CEP112: variants seen among roughly 807,000 people sequenced by gnomAD.
CEP112 encodes the protein centrosomal protein 112.
A neutral mutation model predicts 153.0 loss-of-function variants in CEP112; 127 were observed. That is an observed-to-expected ratio of 0.83 (90% CI 0.72 to 0.96). The LOEUF is 0.96. CEP112 is among the 40% of genes least tolerant of loss of function. The pLI is 0.00. For missense variants in CEP112, 1,089 were observed against 1,101.2 expected (o/e 0.99, Z 0.16); for synonymous variants, 358 against 374.4 (o/e 0.96, Z 0.51).
intron 18 of CEP112, among the ~76,000 whole-genome samples, chr17:65,959,741 C>T (rs2062130325): frequency 6.6e-6 from 1 of 152,204 alleles, no homozygotes; most frequent in South Asian, 2.1e-4. Flanking sequence ...AGAGCTGACA[C>T]CCATGCTGGC....
intron 10 of CEP112, among the ~76,000 whole-genome samples, chr17:66,064,371 C>T (rs1248646251): frequency 6.6e-6 from 1 of 152,052 alleles, no homozygotes; most frequent in Admixed American, 6.6e-5. Context: ...AAATATTTGC[C>T]TTATAAATCA....
intron 21 of CEP112, among the ~76,000 whole-genome samples, chr17:65,759,114 C>T (rs2052457646): frequency 6.6e-6 from 1 of 152,164 alleles, no homozygotes; most frequent in Non-Finnish European, 1.5e-5. Flanking sequence ...TGCTGCTACA[C>T]TCCCACTGGC....
intron 4 of CEP112, among the ~76,000 whole-genome samples, chr17:66,168,023 ATC>A (rs1478639060): frequency 2.6e-5 from 4 of 152,218 alleles, no homozygotes; most frequent in South Asian, 2.1e-4. Context: ...ATGTATATAT[ATC>A]TGTTATACAA....
intron 23 of CEP112, among the ~76,000 whole-genome samples, chr17:65,727,012 G>A (rs970756325): frequency 3.5e-4 from 54 of 152,146 alleles, no homozygotes; most frequent in African/African-American, 1.3e-3. Flanking sequence ...TCCTGTCAGG[G>A]GGAACTGCTG....
At chr17:65,881,357 C>A (rs2059065803) in intron 20 of CEP112, among the ~76,000 whole-genome samples, 1 of 152,064 alleles carries the variant, frequency 6.6e-6, no homozygotes, top group Admixed American at 6.6e-5. Context: ...AGAACAGGCA[C>A]AGCCAAGTTT....
At chr17:65,679,453 A>G (rs1420234576) in intron 24 of CEP112, among the ~76,000 whole-genome samples, 1 of 152,188 alleles carries the variant, frequency 6.6e-6, no homozygotes, top group Non-Finnish European at 1.5e-5. Context: ...TGTTTTCATA[A>G]CGTGCTTTGG....
chr17:65,681,871 G>C (rs1043184108), intron 24 of CEP112, among the ~76,000 whole-genome samples: 3 of 151,450 alleles, frequency 2.0e-5, no homozygotes, highest in African/African-American at 4.9e-5. Context: ...TAAGAGACAG[G>C]GTTTCACCAT....
intron 8 of CEP112, among the ~76,000 whole-genome samples, chr17:66,092,869 A>C (rs2068196880): frequency 6.6e-6 from 1 of 152,250 alleles, no homozygotes; most frequent in African/African-American, 2.4e-5. Flanking sequence ...ATGTACCTCA[A>C]TACAATAAAG....
intron 21 of CEP112, among the ~76,000 whole-genome samples, chr17:65,810,543 A>T (rs1440236536): frequency 6.6e-6 from 1 of 152,120 alleles, no homozygotes; most frequent in Non-Finnish European, 1.5e-5. Flanking sequence ...ATTATTGATA[A>T]CTAACCAGTT....
intron 8 of CEP112, among the ~76,000 whole-genome samples, chr17:66,086,352 T>G (rs981161995): frequency 4.6e-5 from 7 of 150,982 alleles, no homozygotes; most frequent in African/African-American, 1.7e-4. Context: ...AAAAGGGATT[T>G]AAGCAAGTAG....
At chr17:66,066,645 T>C (rs1413575852) in intron 10 of CEP112, 133 bp downstream of exon 10, 1 of 540,442 alleles carries the variant, frequency 1.9e-6, no homozygotes, top group Non-Finnish European at 3.0e-6. Context: ...TATATAAATA[T>C]ATCCACTGAT....
At chr17:66,010,038 A>C (rs1196323197) in intron 16 of CEP112, among the ~76,000 whole-genome samples, 1 of 152,160 alleles carries the variant, frequency 6.6e-6, no homozygotes, top group African/African-American at 2.4e-5. Context: ...TTGAATTTGT[A>C]AATTTTTTAG....
chr17:65,782,388 G>A (rs954967009), intron 21 of CEP112, among the ~76,000 whole-genome samples: 3 of 152,176 alleles, frequency 2.0e-5, no homozygotes, highest in African/African-American at 7.2e-5. Flanking sequence ...TACACTGTTG[G>A]TGGGAATGGA....
chr17:65,721,224 A>C, intron 23 of CEP112, among the ~76,000 whole-genome samples: 1 of 151,972 alleles, frequency 6.6e-6, no homozygotes, highest in Non-Finnish European at 1.5e-5. Flanking sequence ...GTTAACCAGG[A>C]TGGTCTCGAT....
At chr17:65,702,370 T>C (rs980385028) in intron 23 of CEP112, among the ~76,000 whole-genome samples, 1 of 152,198 alleles carries the variant, frequency 6.6e-6, no homozygotes, top group Non-Finnish European at 1.5e-5. Flanking sequence ...ACTAGCTTCA[T>C]GTATCTATCT....
intron 21 of CEP112, among the ~76,000 whole-genome samples, chr17:65,791,167 G>A (rs1252582630): frequency 6.6e-6 from 1 of 152,096 alleles, no homozygotes; most frequent in Non-Finnish European, 1.5e-5. Context: ...ATAAAAGGAT[G>A]ACAGTAGGGG....
intron 15 of CEP112, 112 bp from the exon 16 acceptor site, chr17:66,027,672 G>T: frequency 1.3e-6 from 1 of 794,318 alleles, no homozygotes; most frequent in Non-Finnish European, 1.8e-6. Flanking sequence ...TCAGTTCAGA[G>T]TTTTGCATAT....
chr17:66,005,430 G>A (rs2064232057), intron 17 of CEP112, among the ~76,000 whole-genome samples: 1 of 152,064 alleles, frequency 6.6e-6, no homozygotes, highest in African/African-American at 2.4e-5. Context: ...TCGCTTAAGA[G>A]GGAGAGAGCA....
At chr17:66,022,716 A>G (rs1366991721) in intron 16 of CEP112, among the ~76,000 whole-genome samples, 4 of 151,434 alleles carry the variant, frequency 2.6e-5, no homozygotes, top group African/African-American at 7.3e-5. Context: ...CTCAAGAAAA[A>G]AAAAAAAAAA....
Sources: gnomAD v4.1 joint callset for allele counts (sites outside exome capture counted in the v4.1 genomes callset) on GRCh38, gnomAD v4.1.1 for gene constraint, MANE v1.5 for transcripts, NCBI Gene and HGNC (gene_info 2026-07-23, HGNC 2026-07-21) for gene names.